Variants in NELL1 observed in about 807,000 individuals in gnomAD.
The protein encoded by NELL1 is neural EGFL like 1.
Under a neutral mutation model 107.4 loss-of-function variants are expected in NELL1, and 76 were observed. The observed-to-expected ratio is 0.71, with a 90% CI of 0.59 to 0.86. The LOEUF is 0.86. Among genes scored for constraint, NELL1 ranks in the 40% least tolerant of loss-of-function variants. NELL1 has a pLI of 0.00. For missense variants in NELL1, 1,024 were observed against 1,005.5 expected (o/e 1.02, Z -0.25); for synonymous variants, 353 against 341.2 (o/e 1.03, Z -0.38).
chr11:20,725,037 A>G (rs543588328), intron 2 of NELL1, among the ~76,000 whole-genome samples: 20 of 152,188 alleles, frequency 1.3e-4, no homozygotes, highest in Non-Finnish European at 2.5e-4. Context: ...AGCTCTCATA[A>G]GAACTCACTA....
At chr11:21,112,971 G>A (rs1244918246) in intron 12 of NELL1, among the ~76,000 whole-genome samples, 1 of 151,932 alleles carries the variant, frequency 6.6e-6, no homozygotes, top group Non-Finnish European at 1.5e-5. Flanking sequence ...GTGATGCTCT[G>A]AACTCCATCC....
intron 12 of NELL1, among the ~76,000 whole-genome samples, chr11:21,042,154 A>G (rs1291655701): frequency 6.6e-6 from 1 of 152,232 alleles, no homozygotes; most frequent in East Asian, 1.9e-4. Flanking sequence ...CTCTTAACAC[A>G]ATGTATTATA....
chr11:21,512,439 T>C (rs1855459467), intron 15 of NELL1, among the ~76,000 whole-genome samples: 1 of 152,168 alleles, frequency 6.6e-6, no homozygotes, highest in Non-Finnish European at 1.5e-5. Context: ...AGAATGACAA[T>C]ATAGCTTTGA....
intron 15 of NELL1, among the ~76,000 whole-genome samples, chr11:21,519,528 GTTTT>G (rs746904037): frequency 8.7e-6 from 1 of 114,958 alleles, no homozygotes; most frequent in Non-Finnish European, 1.9e-5. Context: ...TTGTTTGTTT[GTTTT>G]GTTTTGTTTT....
intron 15 of NELL1, among the ~76,000 whole-genome samples, chr11:21,382,508 A>G (rs1415239865): frequency 6.6e-6 from 1 of 152,008 alleles, no homozygotes; most frequent in African/African-American, 2.4e-5. Flanking sequence ...TTGATTTTAT[A>G]GATCTCAAGT....
chr11:21,339,049 C>T (rs1850502987), intron 14 of NELL1, among the ~76,000 whole-genome samples: 1 of 152,192 alleles, frequency 6.6e-6, no homozygotes, highest in Non-Finnish European at 1.5e-5. Context: ...GAATCCAGTT[C>T]TGAAGCCCTA....
intron 13 of NELL1, among the ~76,000 whole-genome samples, chr11:21,145,285 A>G (rs1381381947): frequency 6.6e-6 from 1 of 152,190 alleles, no homozygotes; most frequent in East Asian, 1.9e-4. Context: ...AATTTATCCA[A>G]CTTATAAGTG....
chr11:20,986,753 A>G (rs1020497451), intron 12 of NELL1, among the ~76,000 whole-genome samples: 3 of 152,136 alleles, frequency 2.0e-5, no homozygotes, highest in Non-Finnish European at 4.4e-5. Context: ...GCCCACATGA[A>G]TAAAACAAGT....
intron 15 of NELL1, among the ~76,000 whole-genome samples, chr11:21,509,102 AAATC>A (rs1208520184): frequency 6.6e-6 from 1 of 152,176 alleles, no homozygotes; most frequent in Non-Finnish European, 1.5e-5. Context: ...AGAAACAAGA[AAATC>A]AATAAATATA....
At chr11:21,126,638 A>C (rs968377501) in intron 13 of NELL1, among the ~76,000 whole-genome samples, 1 of 152,202 alleles carries the variant, frequency 6.6e-6, no homozygotes, top group Non-Finnish European at 1.5e-5. Context: ...TTGAAGCCCT[A>C]AGACCTGTTC....
chr11:21,185,731 T>C (rs756754140), intron 13 of NELL1, among the ~76,000 whole-genome samples: 5 of 151,854 alleles, frequency 3.3e-5, no homozygotes, highest in Non-Finnish European at 7.3e-5. Flanking sequence ...ATAAAGCTCT[T>C]AGTGCAGTGT....
chr11:20,975,421 A>T (rs1851585060), intron 12 of NELL1, among the ~76,000 whole-genome samples: 1 of 151,058 alleles, frequency 6.6e-6, no homozygotes, highest in Non-Finnish European at 1.5e-5. Context: ...ATTGAAATCC[A>T]CTGTTTATTG....
At chr11:20,984,551 A>C (rs2134248377) in intron 12 of NELL1, among the ~76,000 whole-genome samples, 1 of 152,170 alleles carries the variant, frequency 6.6e-6, no homozygotes, top group South Asian at 2.1e-4. Context: ...TCCAATCCCC[A>C]CTTAGAATAG....
chr11:21,440,981 G>T (rs538740854), intron 15 of NELL1, among the ~76,000 whole-genome samples: 2 of 152,032 alleles, frequency 1.3e-5, no homozygotes, highest in African/African-American at 2.4e-5. Context: ...TCTGTAAAAC[G>T]TATGAAAAGA....
At chr11:21,438,973 T>A (rs916793986) in intron 15 of NELL1, among the ~76,000 whole-genome samples, 1 of 151,870 alleles carries the variant, frequency 6.6e-6, no homozygotes, top group South Asian at 2.1e-4. Context: ...GGTTGACTCA[T>A]GAGAGGCAAG....
intron 15 of NELL1, among the ~76,000 whole-genome samples, chr11:21,469,885 A>C (rs968077122): frequency 4.6e-5 from 7 of 152,066 alleles, no homozygotes; most frequent in African/African-American, 1.7e-4. Flanking sequence ...CTATTTGTGT[A>C]CTTTCAGATT....
chr11:20,725,217 G>GA (rs1414191138), intron 2 of NELL1, among the ~76,000 whole-genome samples: 2 of 152,196 alleles, frequency 1.3e-5, no homozygotes, highest in Non-Finnish European at 2.9e-5. Flanking sequence ...GAGGAAGGGA[G>GA]AAAAATTCAT....
At chr11:21,404,013 C>CG (rs1238455747) in intron 15 of NELL1, among the ~76,000 whole-genome samples, 5 of 115,208 alleles carry the variant, frequency 4.3e-5, no homozygotes, top group South Asian at 4.0e-4. Flanking sequence ...GAACCCCCCC[C>CG]CCCGCAATCA....
intron 2 of NELL1, among the ~76,000 whole-genome samples, chr11:20,680,734 C>CG (rs1371111840): frequency 6.6e-6 from 1 of 152,064 alleles, no homozygotes; most frequent in Non-Finnish European, 1.5e-5. Context: ...TCTGAGACAT[C>CG]GTTCATTTTT....
Sources: allele counts gnomAD v4.1 joint callset (sites outside exome capture counted in the v4.1 genomes callset), GRCh38; gene constraint gnomAD v4.1.1; transcripts MANE v1.5; gene names NCBI Gene and HGNC (gene_info 2026-07-23, HGNC 2026-07-21).